SPEF2: variants seen among roughly 807,000 people sequenced by gnomAD.
SPEF2 encodes the protein sperm flagellar and cilia associated 2, also known as sperm flagella and cilia-associated protein 2.
Under a neutral mutation model 224.6 loss-of-function variants are expected in SPEF2, and 187 were observed. The ratio of observed to expected loss-of-function variants is 0.83; its 90% CI spans 0.74 to 0.94. The LOEUF is 0.94. Among genes scored for constraint, SPEF2 ranks in the 40% least tolerant of loss-of-function variants. The pLI, the probability that SPEF2 is intolerant of heterozygous loss-of-function variation, is 0.00. For missense variants in SPEF2, 2,170 were observed against 2,135.6 expected (o/e 1.02, Z -0.32); for synonymous variants, 715 against 707.3 (o/e 1.01, Z -0.17).
chr5:35,797,842 C>T (rs1561381464), intron 33 of SPEF2, among the ~76,000 whole-genome samples: 1 of 152,172 alleles, frequency 6.6e-6, no homozygotes, highest in Non-Finnish European at 1.5e-5. Context: ...CCTGGCTCTG[C>T]TCCCAGTGCT....
intron 10 of SPEF2, among the ~76,000 whole-genome samples, chr5:35,671,753 C>T (rs1010460002): frequency 6.6e-6 from 1 of 151,802 alleles, no homozygotes; most frequent in African/African-American, 2.4e-5. Flanking sequence ...TTGTCTTACC[C>T]ACATCCTGAA....
At chr5:35,726,068 G>A (rs1163260782) in intron 20 of SPEF2, among the ~76,000 whole-genome samples, 5 of 152,146 alleles carry the variant, frequency 3.3e-5, no homozygotes, top group African/African-American at 9.7e-5. Context: ...TTAAGATGTT[G>A]ATAAAGATTT....
chr5:35,800,979 G>A (rs1204927420), intron 34 of SPEF2, among the ~76,000 whole-genome samples: 1 of 152,194 alleles, frequency 6.6e-6, no homozygotes, highest in African/African-American at 2.4e-5. Flanking sequence ...TCATGGGAGG[G>A]AAGAGATAAA....
chr5:35,739,137 T>G (rs1270894071), intron 21 of SPEF2, among the ~76,000 whole-genome samples: 1 of 152,236 alleles, frequency 6.6e-6, no homozygotes, highest in Non-Finnish European at 1.5e-5. Flanking sequence ...TCAAAATTCA[T>G]GCATAGTTTT....
intron 29 of SPEF2, among the ~76,000 whole-genome samples, chr5:35,776,973 A>G (rs181418290): frequency 3.3e-5 from 5 of 152,190 alleles, no homozygotes; most frequent in African/African-American, 4.8e-5. Context: ...GTGAGTCATG[A>G]TTGTCCAGAC....
chr5:35,752,387 C>T (rs1285891208), intron 23 of SPEF2, among the ~76,000 whole-genome samples: 3 of 152,136 alleles, frequency 2.0e-5, no homozygotes, highest in Non-Finnish European at 4.4e-5. Flanking sequence ...CCCTTGGGCT[C>T]AAGCAATCCT....
chr5:35,679,445 A>G (rs1752477960), intron 10 of SPEF2, among the ~76,000 whole-genome samples: 3 of 152,324 alleles, frequency 2.0e-5, no homozygotes, highest in Middle Eastern at 3.4e-3. Flanking sequence ...GGTAGGCAGA[A>G]CTGCAACAGA....
chr5:35,700,777 C>T (rs769822896), intron 16 of SPEF2, 25 bp downstream of exon 16: 1 of 1,607,646 alleles, frequency 6.2e-7, no homozygotes, highest in South Asian at 1.1e-5. Context: ...TTTTTTGACA[C>T]TCTTTTTACA....
chr5:35,733,772 A>G (rs1488184337), intron 21 of SPEF2, among the ~76,000 whole-genome samples: 2 of 147,878 alleles, frequency 1.4e-5, no homozygotes, highest in Non-Finnish European at 3.0e-5. Flanking sequence ...TCAGAGAGAC[A>G]GTACAGTGAA....
chr5:35,699,727 A>G (rs1350261027), intron 15 of SPEF2: 1 of 152,240 alleles, frequency 6.6e-6, no homozygotes, highest in Non-Finnish European at 1.5e-5. Context: ...ACCCCATTGT[A>G]TGAATTAGGA....
Position 35,649,360 on chromosome 5 carries a change from GGATGTGGCTGAT to G in SPEF2, c.729_740del (p.Asp243_Asp246del). On this transcript the variant is annotated inframe_deletion and splice_region_variant, in exon 6 of 37. Transcript: ENST00000356031. Reference sequence around the variant, plus strand: ...GAACTGATGATGAATTTTCTTTAAAGGATGTGGCTGATGAAATTAAGAAGTTCGAAGCATTAA... The same window carrying G: ...GAACTGATGATGAATTTTCTTTAAAGGAAATTAAGAAGTTCGAAGCATTAA... 6.2e-7 allele frequency: 1 copy of G among 1,610,146 alleles called. No homozygotes were observed. The highest frequency in any genetic ancestry group is 8.5e-7 in the Non-Finnish European group (1 of 1,178,398).
chr5:35,722,167 A>G (rs905140262), intron 20 of SPEF2, among the ~76,000 whole-genome samples: 1 of 151,688 alleles, frequency 6.6e-6, no homozygotes, highest in African/African-American at 2.4e-5. Flanking sequence ...TCCACCAGGG[A>G]GATGTGTTCA....
At chr5:35,794,349 A>G (rs1279140702) in intron 32 of SPEF2, among the ~76,000 whole-genome samples, 6 of 152,108 alleles carry the variant, frequency 3.9e-5, no homozygotes, top group Admixed American at 2.6e-4. Context: ...AATTTCACCA[A>G]TCATACCCCT....
At chr5:35,725,792 T>G (rs1744540787) in intron 20 of SPEF2, among the ~76,000 whole-genome samples, 1 of 152,196 alleles carries the variant, frequency 6.6e-6, no homozygotes, top group Admixed American at 6.5e-5. Context: ...TTACTGCATT[T>G]TATTTTTATT....
intron 2 of SPEF2, among the ~76,000 whole-genome samples, chr5:35,638,570 T>G (rs937035233): frequency 4.6e-5 from 7 of 152,234 alleles, no homozygotes. Flanking sequence ...CTTCTTTTAC[T>G]TTCTTAGTAG....
intron 20 of SPEF2, among the ~76,000 whole-genome samples, chr5:35,722,010 G>A (rs1330853916): frequency 6.6e-6 from 1 of 151,874 alleles, no homozygotes; most frequent in Non-Finnish European, 1.5e-5. Flanking sequence ...CAGAAAATAT[G>A]AACAGTATTA....
chr5:35,784,745 G>A (rs1431091458), intron 30 of SPEF2, among the ~76,000 whole-genome samples: 1 of 152,112 alleles, frequency 6.6e-6, no homozygotes, highest in East Asian at 1.9e-4. Context: ...AGAGCTTGTG[G>A]TCAGGTTGTG....
Position 35,792,395 on chromosome 5 carries a change from C to T in SPEF2, c.4503C>T (p.Asn1501=), listed in dbSNP as rs1400661040. ...TDILIDLVTL[N]LGTNNFPSNW... ...TTCTGATCGATTTGGTGACCCTGAA[C>T]CTTGGCACAAACAACTTTCCTAGTA... Residue 1501 remains asparagine, a synonymous_variant, in exon 31 of 37, where the codon AAC becomes AAT. Transcript: ENST00000356031. The T allele has an allele frequency of 3.1e-6, 5 of 1,613,786 alleles. No individual in the cohort carries two copies. In the South Asian group the frequency reaches 4.4e-5, roughly 14 times the overall value.
At chr5:35,711,174 T>G (rs1316032840) in intron 19 of SPEF2, among the ~76,000 whole-genome samples, 2 of 152,184 alleles carry the variant, frequency 1.3e-5, no homozygotes, top group Non-Finnish European at 2.9e-5. Flanking sequence ...ATTACAATCT[T>G]CAGCAGAAGT....
Sources: gnomAD v4.1 joint callset for allele counts (sites outside exome capture counted in the v4.1 genomes callset) on GRCh38, gnomAD v4.1.1 for gene constraint, MANE v1.5 for transcripts, NCBI Gene and HGNC (gene_info 2026-07-23, HGNC 2026-07-21) for gene names.